SUGCT: variants seen among roughly 807,000 people sequenced by gnomAD.
SUGCT encodes succinyl-CoA:glutarate-CoA transferase.
A neutral mutation model predicts 55.0 loss-of-function variants in SUGCT; 41 were observed. The ratio of observed to expected loss-of-function variants is 0.74; its 90% CI spans 0.58 to 0.97. SUGCT has a LOEUF of 0.97. Ranked by LOEUF, SUGCT falls within the 50% of genes least tolerant of loss-of-function variation. The pLI, the probability that SUGCT is intolerant of heterozygous loss-of-function variation, is 0.00. For synonymous variants in SUGCT, 187 were observed against 200.4 expected (o/e 0.93, Z 0.56); for missense variants, 568 against 547.8 (o/e 1.04, Z -0.37).
intron 11 of SUGCT, among the ~76,000 whole-genome samples, chr7:40,465,294 A>C (rs970270196): frequency 1.3e-5 from 2 of 152,160 alleles, no homozygotes; most frequent in African/African-American, 4.8e-5. Flanking sequence ...TATTTGTTGA[A>C]ATGAATCAAG....
chr7:40,997,035 T>G, the SUGCT span, among the ~76,000 whole-genome samples: 1 of 152,130 alleles, frequency 6.6e-6, no homozygotes, highest in African/African-American at 2.4e-5. Context: ...CTCCACAACC[T>G]GAGGCTGAGC....
intron 7 of SUGCT, among the ~76,000 whole-genome samples, chr7:40,270,510 T>C (rs1045228267): frequency 1.3e-5 from 2 of 152,206 alleles, no homozygotes; most frequent in African/African-American, 4.8e-5. Context: ...TGAATTGTGT[T>C]GGCATATTTG....
At chr7:40,299,998 G>A (rs1794438562) in intron 8 of SUGCT, among the ~76,000 whole-genome samples, 2 of 152,078 alleles carry the variant, frequency 1.3e-5, no homozygotes, top group Admixed American at 6.6e-5. Flanking sequence ...CCGTCTAGGG[G>A]GGTTGTTTTT....
intron 6 of SUGCT, among the ~76,000 whole-genome samples, chr7:40,216,883 A>G (rs1381354283): frequency 6.6e-6 from 1 of 151,950 alleles, no homozygotes; most frequent in East Asian, 1.9e-4. Flanking sequence ...AAGTGTTGTA[A>G]TTTATTAATA....
the SUGCT span, among the ~76,000 whole-genome samples, chr7:40,926,034 A>G: frequency 6.6e-6 from 1 of 151,978 alleles, no homozygotes; most frequent in East Asian, 1.9e-4. Flanking sequence ...TTGAGGTTGC[A>G]GTGAACTATG....
intron 1 of SUGCT, among the ~76,000 whole-genome samples, chr7:40,161,548 G>T (rs1306392126): frequency 6.6e-6 from 1 of 152,180 alleles, no homozygotes; most frequent in Non-Finnish European, 1.5e-5. Context: ...GTTTTCCCCT[G>T]GATGGGATGC....
chr7:40,507,821 A>G (rs939533722), intron 12 of SUGCT, among the ~76,000 whole-genome samples: 4 of 152,180 alleles, frequency 2.6e-5, no homozygotes, highest in African/African-American at 9.7e-5. Flanking sequence ...AAAGCCGAAC[A>G]TATGTGTACA....
At chr7:40,809,917 A>G (rs1250427055) in intron 13 of SUGCT, among the ~76,000 whole-genome samples, 1 of 152,142 alleles carries the variant, frequency 6.6e-6, no homozygotes, top group African/African-American at 2.4e-5. Context: ...GCCTAGCATA[A>G]TAGCCTCCAG....
At chr7:41,003,079 A>G in the SUGCT span, among the ~76,000 whole-genome samples, 1 of 152,318 alleles carries the variant, frequency 6.6e-6, no homozygotes, top group East Asian at 1.9e-4. Context: ...TTTAAGAAAG[A>G]TGAAATCCGT....
chr7:40,793,269 A>T (rs532876813), intron 13 of SUGCT: 7 of 152,242 alleles, frequency 4.6e-5, no homozygotes, highest in African/African-American at 1.7e-4. Flanking sequence ...AGCCAAGCTC[A>T]CTACTCCTGT....
intron 12 of SUGCT, among the ~76,000 whole-genome samples, chr7:40,619,047 A>G (rs186425826): frequency 2.3e-3 from 348 of 152,072 alleles, no homozygotes; most frequent in African/African-American, 7.7e-3. Flanking sequence ...CCCTACCTCT[A>G]CCTCCTCTCC....
chr7:40,543,935 A>T (rs990101508), intron 12 of SUGCT, among the ~76,000 whole-genome samples: 2 of 152,208 alleles, frequency 1.3e-5, no homozygotes, highest in Admixed American at 6.5e-5. Context: ...TTTAGCTGAG[A>T]AAACAGAAGC....
chr7:41,013,829 A>G, the SUGCT span, among the ~76,000 whole-genome samples: 1 of 151,520 alleles, frequency 6.6e-6, no homozygotes. Flanking sequence ...CTAATCTCTC[A>G]TGACAATATT....
At chr7:40,743,791 A>G (rs1159443491) in intron 12 of SUGCT, among the ~76,000 whole-genome samples, 1 of 152,190 alleles carries the variant, frequency 6.6e-6, no homozygotes, top group Admixed American at 6.5e-5. Flanking sequence ...GCTTCTTGTG[A>G]GCACACTCTG....
At chr7:40,334,304 T>C (rs1054221545) in intron 9 of SUGCT, among the ~76,000 whole-genome samples, 1 of 152,212 alleles carries the variant, frequency 6.6e-6, no homozygotes, top group East Asian at 1.9e-4. Context: ...TTTCTAGTTC[T>C]AGATCCTTGA....
intron 9 of SUGCT, among the ~76,000 whole-genome samples, chr7:40,321,318 C>T (rs1795730789): frequency 6.6e-6 from 1 of 152,108 alleles, no homozygotes; most frequent in Non-Finnish European, 1.5e-5. Flanking sequence ...CTCAAGTAAT[C>T]TGCCCACCTC....
intron 12 of SUGCT, among the ~76,000 whole-genome samples, chr7:40,737,919 C>T (rs1479104634): frequency 2.8e-5 from 4 of 145,360 alleles, no homozygotes; most frequent in East Asian, 2.0e-4. Flanking sequence ...AGTAAAACTC[C>T]GTCTCAAAAA....
At chr7:41,018,998 C>T in the SUGCT span, among the ~76,000 whole-genome samples, 18 of 151,858 alleles carry the variant, frequency 1.2e-4, no homozygotes, top group African/African-American at 3.4e-4. Flanking sequence ...CTCTGCCTCC[C>T]GGGTTCAAGC....
At chr7:40,467,446 T>C (rs1055885539) in intron 11 of SUGCT, among the ~76,000 whole-genome samples, 6 of 152,090 alleles carry the variant, frequency 3.9e-5, no homozygotes, top group African/African-American at 1.4e-4. Context: ...GTCTCAACAA[T>C]CTAGTTATAC....
Sources: allele counts gnomAD v4.1 joint callset (sites outside exome capture counted in the v4.1 genomes callset), GRCh38; gene constraint gnomAD v4.1.1; transcripts MANE v1.5; gene names NCBI Gene and HGNC (gene_info 2026-07-23, HGNC 2026-07-21).